Variants in DGKI observed in about 807,000 individuals in gnomAD.
DGKI encodes the protein DAG kinase iota.
Under a neutral mutation model 147.5 loss-of-function variants are expected in DGKI, and 55 were observed. The ratio of observed to expected loss-of-function variants is 0.37; its 90% CI spans 0.30 to 0.47. The LOEUF is 0.47. Ranked by LOEUF, DGKI falls within the 20% of genes least tolerant of loss-of-function variation. The pLI is 1.00. For missense variants in DGKI, 1,007 were observed against 1,323.8 expected (o/e 0.76, Z 3.71); for synonymous variants, 469 against 477.1 (o/e 0.98, Z 0.22).
At chr7:137,525,444 T>C (rs930426389) in intron 20 of DGKI, among the ~76,000 whole-genome samples, 2 of 152,198 alleles carry the variant, frequency 1.3e-5, no homozygotes, top group Non-Finnish European at 2.9e-5. Flanking sequence ...GGGTCAATAA[T>C]GGTAAACCTT....
intron 28 of DGKI, among the ~76,000 whole-genome samples, chr7:137,436,374 A>G (rs563683489): frequency 3.9e-5 from 6 of 152,206 alleles, no homozygotes; most frequent in African/African-American, 1.4e-4. Context: ...AAGACCTCAT[A>G]CAATTATGAG....
At chr7:137,446,406 C>T (rs1357308663) in intron 27 of DGKI, among the ~76,000 whole-genome samples, 1 of 152,172 alleles carries the variant, frequency 6.6e-6, no homozygotes, top group Non-Finnish European at 1.5e-5. Flanking sequence ...CTCAGTATTT[C>T]ACCTTTCACT....
chr7:137,600,043 G>A, intron 10 of DGKI, 138 bp from the exon 11 acceptor site: 1 of 708,388 alleles, frequency 1.4e-6, no homozygotes, highest in South Asian at 2.0e-5. Flanking sequence ...CAGCACCTTG[G>A]AAGGCTGACG....
chr7:137,704,625 A>T (rs1261846894), intron 1 of DGKI, among the ~76,000 whole-genome samples: 1 of 152,200 alleles, frequency 6.6e-6, no homozygotes, highest in African/African-American at 2.4e-5. Flanking sequence ...GAAAATTCCC[A>T]ATCTTGAGGG....
chr7:137,695,288 T>C (rs1424620174), intron 1 of DGKI, among the ~76,000 whole-genome samples: 1 of 152,198 alleles, frequency 6.6e-6, no homozygotes, highest in Non-Finnish European at 1.5e-5. Flanking sequence ...AGCCCAGGCC[T>C]TTACATATTG....
At chr7:137,468,394 T>C (rs897086475) in intron 24 of DGKI, among the ~76,000 whole-genome samples, 2 of 152,204 alleles carry the variant, frequency 1.3e-5, no homozygotes, top group African/African-American at 4.8e-5. Context: ...AGATAGAACA[T>C]AACAACATAA....
At chr7:137,445,695 T>A (rs951332350) in intron 27 of DGKI, among the ~76,000 whole-genome samples, 1 of 152,178 alleles carries the variant, frequency 6.6e-6, no homozygotes, top group South Asian at 2.1e-4. Context: ...AAAGTCATCA[T>A]GTTACTGTAA....
chr7:137,768,124 C>A (rs952165725), intron 1 of DGKI, among the ~76,000 whole-genome samples: 1 of 152,150 alleles, frequency 6.6e-6, no homozygotes, highest in African/African-American at 2.4e-5. Flanking sequence ...TAAGTGGACA[C>A]AAGATGTTCA....
intron 27 of DGKI, among the ~76,000 whole-genome samples, chr7:137,461,815 C>T (rs1428464609): frequency 6.6e-6 from 1 of 152,018 alleles, no homozygotes; most frequent in Non-Finnish European, 1.5e-5. Context: ...TAAATGACTG[C>T]AAAAACTTAT....
chr7:137,445,653 T>C (rs1813686649), intron 27 of DGKI, among the ~76,000 whole-genome samples: 1 of 152,176 alleles, frequency 6.6e-6, no homozygotes, highest in South Asian at 2.1e-4. Context: ...ATCACACTGA[T>C]ATTCAGACTG....
chr7:137,745,132 G>A (rs1297815390), intron 1 of DGKI, among the ~76,000 whole-genome samples: 2 of 152,166 alleles, frequency 1.3e-5, no homozygotes, highest in African/African-American at 2.4e-5. Flanking sequence ...AAAATGTAGT[G>A]CAGCTGTAAA....
intron 1 of DGKI, among the ~76,000 whole-genome samples, chr7:137,832,757 G>A (rs928421229): frequency 6.6e-6 from 1 of 152,186 alleles, no homozygotes; most frequent in Admixed American, 6.5e-5. Context: ...CTTTTCCATT[G>A]CATCGTCAGG....
chr7:137,749,593 G>A (rs1163234000), intron 1 of DGKI, among the ~76,000 whole-genome samples: 1 of 152,134 alleles, frequency 6.6e-6, no homozygotes, highest in African/African-American at 2.4e-5. Context: ...CTTGTAGACA[G>A]AGGATTTAAG....
chr7:137,719,557 T>TGACAC (rs1272490458), intron 1 of DGKI, among the ~76,000 whole-genome samples: 1 of 151,990 alleles, frequency 6.6e-6, no homozygotes, highest in Non-Finnish European at 1.5e-5. Flanking sequence ...CTGAGGCTGG[T>TGACAC]TGGGAAGGCA....
intron 20 of DGKI, among the ~76,000 whole-genome samples, chr7:137,528,880 C>G (rs1817242025): frequency 6.6e-6 from 1 of 152,124 alleles, no homozygotes; most frequent in Non-Finnish European, 1.5e-5. Context: ...TCTGCAGTCT[C>G]TATTTATTAG....
At chr7:137,661,551 C>T (rs1822433423) in intron 3 of DGKI, among the ~76,000 whole-genome samples, 1 of 152,072 alleles carries the variant, frequency 6.6e-6, no homozygotes, top group Non-Finnish European at 1.5e-5. Context: ...GCCAGGCCTA[C>T]CCCCAGCTGC....
At chr7:137,531,632 T>G (rs1416660910) in intron 20 of DGKI, among the ~76,000 whole-genome samples, 1 of 152,212 alleles carries the variant, frequency 6.6e-6, no homozygotes, top group African/African-American at 2.4e-5. Context: ...TCAGTTTCTA[T>G]GTATCAGAGG....
At chr7:137,431,416 T>C (rs1017931778) in intron 28 of DGKI, among the ~76,000 whole-genome samples, 1 of 152,142 alleles carries the variant, frequency 6.6e-6, no homozygotes, top group Non-Finnish European at 1.5e-5. Context: ...GGAACCTGCA[T>C]TATTAAATAG....
chr7:137,638,041 G>GT (rs1202087678), intron 6 of DGKI, among the ~76,000 whole-genome samples: 13 of 152,232 alleles, frequency 8.5e-5, no homozygotes, highest in Non-Finnish European at 1.2e-4. Flanking sequence ...TCAGATTCAG[G>GT]TTTTAATAAA....
Sources: gnomAD v4.1 joint callset for allele counts (sites outside exome capture counted in the v4.1 genomes callset) on GRCh38, gnomAD v4.1.1 for gene constraint, MANE v1.5 for transcripts, NCBI Gene and HGNC (gene_info 2026-07-23, HGNC 2026-07-21) for gene names.